The following ZZEF1 variants were observed in gnomAD, a reference collection of about 807,000 sequenced individuals.
ZZEF1 encodes zinc finger ZZ-type and EF-hand domain-containing protein 1.
ZZEF1 carries 157 observed loss-of-function variants against 342.8 expected under a neutral mutation model. That is an observed-to-expected ratio of 0.46 (90% CI 0.40 to 0.52). The LOEUF (loss-of-function observed/expected upper bound fraction) is 0.52. Ranked by LOEUF, ZZEF1 falls within the 20% of genes least tolerant of loss-of-function variation. The pLI is 0.00. For synonymous variants in ZZEF1, 1,505 were observed against 1,429.1 expected, an observed-to-expected ratio of 1.05 and a Z score of -1.20; for missense variants, 3,480 against 3,725.6, an observed-to-expected ratio of 0.93 and a Z score of 1.72.
intron 9 of ZZEF1, among the ~76,000 whole-genome samples, chr17:4,098,211 C>A (rs114471282): frequency 6.9e-6 from 1 of 145,918 alleles, no homozygotes; most frequent in Non-Finnish European, 1.5e-5. Context: ...GCACTCCAGC[C>A]GGCCTGGGTG....
intron 12 of ZZEF1, 144 bp downstream of exon 12, chr17:4,090,575 T>C: frequency 1.5e-6 from 1 of 656,530 alleles, no homozygotes; most frequent in Non-Finnish European, 2.7e-6. Context: ...GTCTTACACA[T>C]CTGTCTCTCC....
chr17:4,137,453 A>C (rs978063339), intron 1 of ZZEF1, among the ~76,000 whole-genome samples: 1 of 152,098 alleles, frequency 6.6e-6, no homozygotes, highest in African/African-American at 2.4e-5. Context: ...TTACTAAAAA[A>C]CACAAAAAAT....
chr17:4,087,258 C>T (rs1248464334), intron 14 of ZZEF1, among the ~76,000 whole-genome samples, 176 bp downstream of exon 14: 1 of 151,968 alleles, frequency 6.6e-6, no homozygotes, highest in African/African-American at 2.4e-5. Flanking sequence ...TTACTACTGC[C>T]TAAATATTTT....
chr17:4,055,440 A>G (rs2057136735), intron 33 of ZZEF1, among the ~76,000 whole-genome samples: 1 of 152,190 alleles, frequency 6.6e-6, no homozygotes, highest in Admixed American at 6.5e-5. Flanking sequence ...TGACGTGGAG[A>G]TGGACACAGT....
intron 52 of ZZEF1, among the ~76,000 whole-genome samples, chr17:4,011,553 T>TG (rs1555574472): frequency 5.3e-5 from 8 of 151,576 alleles, no homozygotes; most frequent in South Asian, 2.1e-4. Context: ...GGTTTTTTTT[T>TG]TGTGTGTGTG....
intron 6 of ZZEF1, among the ~76,000 whole-genome samples, chr17:4,106,481 A>G (rs1309863195): frequency 1.3e-4 from 5 of 39,442 alleles, no homozygotes; most frequent in African/African-American, 1.7e-4. Context: ...AGCAACAGGG[A>G]AAAAAAAAAA....
intron 19 of ZZEF1, 83 bp downstream of exon 19, chr17:4,077,800 T>C (rs367926083): frequency 8.3e-6 from 12 of 1,451,370 alleles, no homozygotes; most frequent in East Asian, 4.6e-5. Flanking sequence ...TGCACACTCA[T>C]TGCATGAGTT....
chr17:4,078,073 C>T (rs749073773), intron 18 of ZZEF1, 31 bp from the exon 19 acceptor site: 6 of 1,598,666 alleles, frequency 3.8e-6, no homozygotes, highest in Admixed American at 1.7e-5. Flanking sequence ...AGAAAGTGTT[C>T]GTGACAAGGC....
In ZZEF1 at chr17:4,117,117, C is replaced by G. The variant is rs149589527; in HGVS notation, c.549G>C (p.Ser183=). 5.0e-6 allele frequency: 8 copies of G among 1,613,878 alleles called. No homozygotes were observed. The highest frequency in any genetic ancestry group is 2.2e-5 in the East Asian group (1 of 44,884). ...GGTGCAGGAAGCGCAGTATCATTGACGAGTGAATATCAAGGCCCTCCTTCG... is the reference window on the plus strand; with the variant it reads ...GGTGCAGGAAGCGCAGTATCATTGAGGAGTGAATATCAAGGCCCTCCTTCG... The part of the protein sequence containing the change: ...SESKEGLDIH[S]SMILRFLHRN... The change falls in exon 3 of 55, where the codon TCG becomes TCC. Residue 183 remains serine (S), a synonymous_variant. Coordinates refer to ENST00000381638, the MANE Select transcript of ZZEF1 (RefSeq NM_015113.4).
At chr17:4,048,772 G>A (rs1159271988) in intron 37 of ZZEF1, among the ~76,000 whole-genome samples, 1 of 152,012 alleles carries the variant, frequency 6.6e-6, no homozygotes, top group Admixed American at 6.6e-5. Context: ...GGAGTGCAGT[G>A]GCGCCATCTT....
intron 31 of ZZEF1, 123 bp downstream of exon 31, chr17:4,059,048 T>C (rs1483184097): frequency 1.3e-6 from 1 of 791,034 alleles, no homozygotes; most frequent in Admixed American, 3.6e-5. Context: ...GGTGGTAACA[T>C]TAGAGGTTAT....
In ZZEF1 at chr17:4,070,785, G is replaced by A; in HGVS notation, c.3974C>T (p.Thr1325Ile). The change falls in exon 26 of 55, where the codon ACA becomes ATA. Residue 1325 changes from threonine to isoleucine, a missense_variant. Physicochemically the swap from Thr to Ile is moderately conservative, Grantham distance 89. Coordinates refer to ENST00000381638, the MANE Select transcript of ZZEF1 (RefSeq NM_015113.4). ...AATAGTGGAACCAGCAACTATATCT[G>A]TCTTTGGGGCCTGTTTTCTACATGC... ...IQACRKQAPK[T>I]DIVAGSTIDQ... The A allele has an allele frequency of 6.2e-7, 1 of 1,614,146 alleles. No individual in the cohort carries two copies. The highest frequency in any genetic ancestry group is 8.5e-7 in the Non-Finnish European group (1 of 1,180,040).
At chr17:4,033,203 C>T in intron 40 of ZZEF1, 1 of 510,342 alleles carries the variant, frequency 2.0e-6, no homozygotes, top group Non-Finnish European at 3.4e-6. Context: ...CATACTCACC[C>T]TACGGCTGTG....
intron 42 of ZZEF1, among the ~76,000 whole-genome samples, chr17:4,030,931 C>A (rs2056527205): frequency 6.6e-6 from 1 of 152,154 alleles, no homozygotes; most frequent in Non-Finnish European, 1.5e-5. Flanking sequence ...GTAATCCCAG[C>A]ACTTTGGGAG....
intron 2 of ZZEF1, among the ~76,000 whole-genome samples, chr17:4,117,543 G>A (rs1223923992): frequency 6.6e-6 from 1 of 150,914 alleles, no homozygotes; most frequent in African/African-American, 2.4e-5. Context: ...AGCTACTTGG[G>A]AGGCTGAGAC....
At chr17:4,027,286 CTTTTTTTTTTTTTT>C (rs1179743466) in intron 42 of ZZEF1, among the ~76,000 whole-genome samples, 1 of 67,982 alleles carries the variant, frequency 1.5e-5, no homozygotes, top group Admixed American at 2.3e-4. Flanking sequence ...CAATATCTCA[CTTTTTTTTTTTTTT>C]TTTTTTTTTT....
At chr17:4,057,070 A>G (rs2057176920) in intron 32 of ZZEF1, among the ~76,000 whole-genome samples, 1 of 152,196 alleles carries the variant, frequency 6.6e-6, no homozygotes, top group African/African-American at 2.4e-5. Flanking sequence ...CATGCATTCC[A>G]ACGAAATGGT....
chr17:4,049,574 A>G, intron 37 of ZZEF1, 134 bp downstream of exon 37: 4 of 1,000,192 alleles, frequency 4.0e-6, no homozygotes, highest in Non-Finnish European at 5.8e-6. Context: ...CCAAGGTTTG[A>G]TGGAGCAGGC....
intron 9 of ZZEF1, among the ~76,000 whole-genome samples, chr17:4,097,926 C>CAA (rs541461547): frequency 0.018 from 1,147 of 63,654 alleles, 100 homozygotes; most frequent in African/African-American, 0.064. Context: ...CCATTTCTAC[C>CAA]AAAAAAAAAA....
Sources: gnomAD v4.1 joint callset for allele counts (sites outside exome capture counted in the v4.1 genomes callset) on GRCh38, gnomAD v4.1.1 for gene constraint, MANE v1.5 for transcripts, NCBI Gene and HGNC (gene_info 2026-07-23, HGNC 2026-07-21) for gene names.